The following TTC7B variants were observed in gnomAD, a reference collection of about 807,000 sequenced individuals.
TTC7B encodes the protein tetratricopeptide repeat protein 7B.
TTC7B carries 28 observed loss-of-function variants against 106.8 expected under a neutral mutation model. The observed-to-expected ratio is 0.26, with a 90% CI of 0.19 to 0.36. The LOEUF (loss-of-function observed/expected upper bound fraction) is 0.36, where lower values mean the gene tolerates loss of function less well. Among genes scored for constraint, TTC7B ranks in the 10% least tolerant of loss-of-function variants. The pLI, the probability that TTC7B is intolerant of heterozygous loss-of-function variation, is 1.00. For missense variants in TTC7B, 862 were observed against 1,076.4 expected, an observed-to-expected ratio of 0.80 and a Z score of 2.79; for synonymous variants, 405 against 430.6, an observed-to-expected ratio of 0.94 and a Z score of 0.74.
chr14:90,587,167 G>T (rs552664623), intron 18 of TTC7B, among the ~76,000 whole-genome samples: 2 of 152,238 alleles, frequency 1.3e-5, no homozygotes, highest in South Asian at 2.1e-4. Flanking sequence ...CCGGAGAGGG[G>T]TCTTGCTATG....
chr14:90,555,470 C>T (rs1276926357), intron 19 of TTC7B, among the ~76,000 whole-genome samples: 1 of 152,146 alleles, frequency 6.6e-6, no homozygotes, highest in Non-Finnish European at 1.5e-5. Context: ...TGCCCTATCG[C>T]GTGCACGCTG....
intron 19 of TTC7B, among the ~76,000 whole-genome samples, chr14:90,560,023 G>T (rs1234914891): frequency 6.6e-6 from 1 of 152,194 alleles, no homozygotes; most frequent in Non-Finnish European, 1.5e-5. Context: ...ACCTCCATCA[G>T]ATCTGTGCCA....
In TTC7B at chr14:90,780,242, G is replaced by A. The variant is rs139574345; in HGVS notation, c.445+496C>T. Among the ~76,000 whole-genome samples the A allele has an allele frequency of 3.8e-3, 574 of 152,180 alleles. 6 individuals carry two copies. The highest frequency in any genetic ancestry group is 0.013 in the African/African-American group (546 of 41,494). ...ACTAAAAATACAAAATTAGCTGGGTGTGGTGGCGCATGCCTGTAATCCCAG... is the reference window on the plus strand; with the variant it reads ...ACTAAAAATACAAAATTAGCTGGGTATGGTGGCGCATGCCTGTAATCCCAG... On this transcript the variant is annotated intron_variant, in intron 3 of 19. Coordinates refer to ENST00000328459, the MANE Select transcript of TTC7B (RefSeq NM_001010854.2).
intron 9 of TTC7B, among the ~76,000 whole-genome samples, chr14:90,668,799 A>T (rs2139914519): frequency 6.7e-6 from 1 of 149,222 alleles, no homozygotes; most frequent in Admixed American, 6.7e-5. Flanking sequence ...TGATCTATAA[A>T]TTCAATGCAT....
intron 5 of TTC7B, among the ~76,000 whole-genome samples, chr14:90,716,273 T>C (rs1888652213): frequency 6.6e-6 from 1 of 152,138 alleles, no homozygotes; most frequent in Non-Finnish European, 1.5e-5. Flanking sequence ...GGTGATCAGA[T>C]AGCAACTGGG....
At chr14:90,724,241 T>C (rs1889004193) in intron 5 of TTC7B, among the ~76,000 whole-genome samples, 1 of 152,194 alleles carries the variant, frequency 6.6e-6, no homozygotes, top group Non-Finnish European at 1.5e-5. Flanking sequence ...CACATACAAC[T>C]ATCCTGAAAT....
At chr14:90,614,113 G>A (rs1343362729) in intron 16 of TTC7B, among the ~76,000 whole-genome samples, 2 of 152,190 alleles carry the variant, frequency 1.3e-5, no homozygotes, top group Non-Finnish European at 2.9e-5. Flanking sequence ...CCTCGGCTAG[G>A]AAACCAGAAC....
At chr14:90,619,047 GCA>G (rs1893202899) in intron 15 of TTC7B, among the ~76,000 whole-genome samples, 1 of 152,170 alleles carries the variant, frequency 6.6e-6, no homozygotes, top group African/African-American at 2.4e-5. Flanking sequence ...GGGATTACAG[GCA>G]TCCGCCACCA....
intron 1 of TTC7B, among the ~76,000 whole-genome samples, chr14:90,804,853 T>A (rs528598899): frequency 1.8e-3 from 271 of 152,322 alleles, no homozygotes; most frequent in African/African-American, 6.0e-3. Flanking sequence ...GCAAAAGGGC[T>A]GAGCCCATCT....
chr14:90,713,638 A>C (rs1888532905), intron 5 of TTC7B, among the ~76,000 whole-genome samples: 1 of 152,206 alleles, frequency 6.6e-6, no homozygotes, highest in South Asian at 2.1e-4. Flanking sequence ...GGTTTCCTAA[A>C]AAGTGAAACA....
At chr14:90,679,591 T>C (rs1886970999) in intron 8 of TTC7B, among the ~76,000 whole-genome samples, 1 of 152,224 alleles carries the variant, frequency 6.6e-6, no homozygotes, top group Non-Finnish European at 1.5e-5. Flanking sequence ...GCATTCCGCC[T>C]GCTCTAGGCC....
chr14:90,592,927 A>G (rs916366885), intron 18 of TTC7B, among the ~76,000 whole-genome samples: 2 of 152,068 alleles, frequency 1.3e-5, no homozygotes, highest in African/African-American at 2.4e-5. Context: ...AGGGCACCAA[A>G]CACACAGCCC....
rs1889923389 is a variant in TTC7B, at chr14:90,745,312, A to AG, written c.446-391_446-390insC. 1.9e-4 allele frequency among the ~76,000 whole-genome samples: 28 copies of AG among 148,524 alleles called. 1 individual carries two copies. The South Asian group carries it at 4.6e-3, about 24-fold the overall frequency. On this transcript the variant is annotated intron_variant, in intron 3 of 19. Coordinates refer to ENST00000328459, the MANE Select transcript of TTC7B (RefSeq NM_001010854.2). Reference sequence around the variant, plus strand: ...CCCTGTCTCCCAAAAAAAAAAAAAAAAAAGAAGAAGAAGAAGAAGAAGTGG... The same window carrying AG: ...CCCTGTCTCCCAAAAAAAAAAAAAAAGAAAGAAGAAGAAGAAGAAGAAGTGG...
chr14:90,547,018 G>T (rs548722121), intron 19 of TTC7B, among the ~76,000 whole-genome samples: 1 of 152,322 alleles, frequency 6.6e-6, no homozygotes, highest in South Asian at 2.1e-4. Flanking sequence ...TCCCCTGTGT[G>T]TGGAGAGGAT....
At chr14:90,573,107 G>C (rs1250839884) in intron 19 of TTC7B, among the ~76,000 whole-genome samples, 6 of 152,146 alleles carry the variant, frequency 3.9e-5, no homozygotes, top group Non-Finnish European at 7.3e-5. Context: ...ATGGCTTTCT[G>C]TCCCTTTCCA....
At position 90,730,128 on chromosome 14, in the gene TTC7B, A is replaced by G. The variant is rs765973107; in HGVS notation, c.645T>C (p.Gly215=). The G allele has an allele frequency of 2.5e-6, 4 of 1,613,866 alleles. No homozygotes were observed. In the Admixed American group the frequency reaches 6.7e-5, roughly 27 times the overall value. Residue 215 remains glycine, a synonymous_variant, in exon 5 of 20, where the codon GGT becomes GGC. Transcript: ENST00000328459. ...TCTGAAGTCCTGTTTCTAGGAAAAA[A>G]CCTAGTTCTTGATCGTGGGGAGCAG... is the stretch of plus-strand genomic sequence containing the variant. The part of the protein sequence containing the change: ...PGPAPHDQEL[G]FFLETGLQRA...
At chr14:90,800,302 T>G (rs75912905) in intron 1 of TTC7B, among the ~76,000 whole-genome samples, 2,507 of 152,102 alleles carry the variant, frequency 0.016, 79 homozygotes, top group African/African-American at 0.057. Flanking sequence ...ATAGACTGAG[T>G]GGGGACATCA....
At chr14:90,713,841 T>C (rs999095069) in intron 5 of TTC7B, among the ~76,000 whole-genome samples, 1 of 152,240 alleles carries the variant, frequency 6.6e-6, no homozygotes, top group Non-Finnish European at 1.5e-5. Context: ...CCATACAATG[T>C]AATAATAATG....
intron 15 of TTC7B, among the ~76,000 whole-genome samples, chr14:90,630,698 T>C (rs1012591031): frequency 2.0e-5 from 3 of 152,232 alleles, no homozygotes; most frequent in African/African-American, 7.2e-5. Context: ...CTCTATGAGT[T>C]TGACTACTCC....
Sources: allele counts gnomAD v4.1 joint callset (sites outside exome capture counted in the v4.1 genomes callset), GRCh38; gene constraint gnomAD v4.1.1; transcripts MANE v1.5; gene names NCBI Gene and HGNC (gene_info 2026-07-23, HGNC 2026-07-21).